ADARB2: variants seen among roughly 807,000 people sequenced by gnomAD.
The protein encoded by ADARB2 is inactive double-stranded RNA-specific editase B2.
Under a neutral mutation model 62.2 loss-of-function variants are expected in ADARB2, and 25 were observed. That is an observed-to-expected ratio of 0.40 (90% confidence interval 0.29 to 0.56). The LOEUF is 0.56. Among genes scored for constraint, ADARB2 ranks in the 20% least tolerant of loss-of-function variants. The pLI is 0.43. For missense variants in ADARB2, 1,071 were observed against 1,077.4 expected (o/e 0.99, Z 0.08); for synonymous variants, 572 against 500.8 (o/e 1.14, Z -1.90).
Position 1,626,412 on chromosome 10 carries a change from C to T in ADARB2, c.100+110639G>A, listed in dbSNP as rs139537499. Among the ~76,000 whole-genome samples, 1,014 of 151,410 alleles carry T rather than the reference C, an allele frequency of 6.7e-3. 12 individuals carry two copies. The highest frequency in any genetic ancestry group is 0.035 in the East Asian group (178 of 5,068). ...ACGCTCTCTCCTGCATGGACACAGG[C>T]CTCCACTGGATCTCGGACGCTAACC... On this transcript the variant is annotated intron_variant, in intron 1 of 9. Coordinates refer to ENST00000381312, the MANE Select transcript of ADARB2 (RefSeq NM_018702.4).
At chr10:1,576,429 G>T (rs1033884759) in intron 1 of ADARB2, among the ~76,000 whole-genome samples, 11 of 152,146 alleles carry the variant, frequency 7.2e-5, no homozygotes, top group Non-Finnish European at 1.5e-4. Context: ...GGGGCTCAGG[G>T]GCCATTGCAG....
chr10:1,641,336 G>C (rs1018307156), intron 1 of ADARB2, among the ~76,000 whole-genome samples: 1 of 152,216 alleles, frequency 6.6e-6, no homozygotes, highest in African/African-American at 2.4e-5. Context: ...CCTGCCACGT[G>C]CTGACCTATC....
At position 1,217,401 on chromosome 10, in the gene ADARB2, G is replaced by A. The variant is rs141357047; in HGVS notation, c.1514-282C>T. On this transcript the variant is annotated intron_variant, in intron 6 of 9. Transcript: ENST00000381312. ...TTTCACCAACACCCGCCTCTGTTGC[G>A]TGAGTGCAGCCACGGCCTGGACCGT... Among the ~76,000 whole-genome samples, 101 of 152,326 alleles carry A rather than the reference G, an allele frequency of 6.6e-4. 3 individuals carry two copies. The East Asian group carries it at 7.2e-3, about 11-fold the overall frequency.
intron 6 of ADARB2, among the ~76,000 whole-genome samples, chr10:1,225,179 T>A (rs1016718872): frequency 6.6e-6 from 1 of 152,220 alleles, no homozygotes; most frequent in East Asian, 1.9e-4. Flanking sequence ...AATGGCCTTC[T>A]TTGTCTCTTT....
chr10:1,602,159 G>A (rs1217514577), intron 1 of ADARB2, among the ~76,000 whole-genome samples: 3 of 152,154 alleles, frequency 2.0e-5, no homozygotes, highest in Non-Finnish European at 4.4e-5. Flanking sequence ...GGGTTCTGCT[G>A]ACTCCACACG....
At position 1,731,928 on chromosome 10, in the gene ADARB2, A is replaced by G. The variant is rs116929794; in HGVS notation, c.100+5123T>C. 1.5e-3 allele frequency among the ~76,000 whole-genome samples: 236 copies of G among 152,356 alleles called. 2 individuals carry two copies. Among genetic ancestry groups the G allele is most frequent in the Non-Finnish European group, 2.8e-3 (190 of 68,026 alleles). On this transcript the variant is annotated intron_variant, in intron 1 of 9. Transcript: ENST00000381312. ...AAGCACTTATAAAGTCTTGCTTACA[A>G]TGTGGAAAATTATCCTTTTAGAAAT...
intron 3 of ADARB2, among the ~76,000 whole-genome samples, chr10:1,338,217 C>T (rs1831991862): frequency 6.6e-6 from 1 of 152,196 alleles, no homozygotes; most frequent in African/African-American, 2.4e-5. Flanking sequence ...TTTATTCATG[C>T]TGGCAGACTG....
intron 1 of ADARB2, among the ~76,000 whole-genome samples, chr10:1,684,673 A>G (rs1380099154): frequency 6.6e-6 from 1 of 152,180 alleles, no homozygotes; most frequent in Non-Finnish European, 1.5e-5. Context: ...TATTTTGTAA[A>G]CCCCAAACTG....
intron 1 of ADARB2, among the ~76,000 whole-genome samples, chr10:1,430,170 G>A (rs534799054): frequency 2.0e-5 from 3 of 152,316 alleles, no homozygotes; most frequent in South Asian, 2.1e-4. Context: ...AGGCACTGAT[G>A]TCAGTAGACC....
intron 3 of ADARB2, among the ~76,000 whole-genome samples, chr10:1,282,312 T>C (rs1213019348): frequency 6.6e-6 from 1 of 152,244 alleles, no homozygotes; most frequent in Non-Finnish European, 1.5e-5. Flanking sequence ...AACACAGATC[T>C]TGCTTTTTTG....
intron 3 of ADARB2, among the ~76,000 whole-genome samples, chr10:1,327,643 TCACTGCCCAGCGCCTCCG>T (rs1449272691): frequency 1.3e-5 from 1 of 77,822 alleles, no homozygotes; most frequent in Non-Finnish European, 2.7e-5. Flanking sequence ...CAGCGCCTCC[TCACTGCCCAGCGCCTCCG>T]CACTGCACAG....
At chr10:1,675,081 A>ATGGATGTTCTGGAGGTTTGGGTTC (rs1834447861) in intron 1 of ADARB2, 1 of 860,476 alleles carries the variant, frequency 1.2e-6, no homozygotes, top group Non-Finnish European at 1.3e-6. Context: ...GGTTTGGGTT[A>ATGGATGTTCTGGAGGTTTGGGTTC]AGGGATGTGT....
chr10:1,356,682 C>G (rs1832199260), intron 3 of ADARB2, among the ~76,000 whole-genome samples: 2 of 152,188 alleles, frequency 1.3e-5, no homozygotes. Context: ...AAAGCCCATT[C>G]TTTGGAAGCC....
intron 1 of ADARB2, among the ~76,000 whole-genome samples, chr10:1,451,130 G>T (rs946867970): frequency 5.3e-5 from 8 of 152,226 alleles, no homozygotes; most frequent in Non-Finnish European, 1.0e-4. Flanking sequence ...AGCCTGGTCT[G>T]CCCATCTTTG....
chr10:1,671,415 G>T (rs1165743148), intron 1 of ADARB2, among the ~76,000 whole-genome samples: 2 of 152,212 alleles, frequency 1.3e-5, no homozygotes, highest in Non-Finnish European at 1.5e-5. Context: ...TGTTGCAGAG[G>T]TTAAGTCTGC....
In ADARB2 at chr10:1,488,990, T is replaced by C. The variant is rs2676711; in HGVS notation, c.101-109830A>G. Among the ~76,000 whole-genome samples the C allele has an allele frequency of 3.5e-3, 529 of 152,338 alleles. 6 individuals carry two copies. Among genetic ancestry groups the C allele is most frequent in the African/African-American group, 0.012 (506 of 41,584 alleles). On this transcript the variant is annotated intron_variant, in intron 1 of 9. Transcript: ENST00000381312. Reference sequence around the variant, plus strand: ...AAGGCATCCTCCACTAAGGTGAAGATGGATTGTGCAGCTTCAGGGGGCACA... The same window carrying C: ...AAGGCATCCTCCACTAAGGTGAAGACGGATTGTGCAGCTTCAGGGGGCACA...
intron 3 of ADARB2, among the ~76,000 whole-genome samples, chr10:1,359,673 GC>G (rs1832232473): frequency 6.6e-6 from 1 of 152,128 alleles, no homozygotes; most frequent in South Asian, 2.1e-4. Context: ...CCTTTGGGAG[GC>G]CCTGCTTCCT....
chr10:1,273,659 G>T (rs566312918), intron 3 of ADARB2, among the ~76,000 whole-genome samples: 3 of 152,286 alleles, frequency 2.0e-5, no homozygotes, highest in Admixed American at 1.3e-4. Flanking sequence ...AAGATGCAGG[G>T]GGACAGAGGC....
intron 3 of ADARB2, among the ~76,000 whole-genome samples, chr10:1,345,085 C>G (rs906724279): frequency 3.9e-5 from 6 of 152,020 alleles, no homozygotes; most frequent in Non-Finnish European, 8.8e-5. Flanking sequence ...GAGGGAACCG[C>G]CGCAGCCTCG....
Sources: allele counts gnomAD v4.1 joint callset (sites outside exome capture counted in the v4.1 genomes callset), GRCh38; gene constraint gnomAD v4.1.1; transcripts MANE v1.5; gene names NCBI Gene and HGNC (gene_info 2026-07-23, HGNC 2026-07-21).